The following CHIC1 variants were observed in gnomAD, a reference collection of about 807,000 sequenced individuals.
CHIC1 encodes cysteine-rich hydrophobic domain-containing protein 1.
In CHIC1, 7 loss-of-function variants were observed where a neutral mutation model predicts 18.5. That is an observed-to-expected ratio of 0.38 (90% CI 0.22 to 0.71). The LOEUF is 0.71. Among genes scored for constraint, CHIC1 ranks in the 30% least tolerant of loss-of-function variants. The probability of loss-of-function intolerance (pLI) is 0.49; values close to 1 mark genes in which losing one functional copy is unlikely to be tolerated. For synonymous variants in CHIC1, 77 were observed against 73.5 expected (o/e 1.05, Z -0.25); for missense variants, 159 against 176.9 (o/e 0.90, Z 0.57).
At chrX:73,655,470 ATATACATATATACACAATAT>A (rs2057940156) in intron 3 of CHIC1, among the ~76,000 whole-genome samples, 1 of 72,213 alleles carries the variant, frequency 1.4e-5, no homozygotes, top group African/African-American at 4.6e-5. Flanking sequence ...GTGTATATAT[ATATACATATATACACAATAT>A]TGTGTATATA....
At chrX:73,662,574 T>G (rs888077902) in intron 3 of CHIC1, among the ~76,000 whole-genome samples, 2 of 106,661 alleles carry the variant, frequency 1.9e-5, no homozygotes, top group Non-Finnish European at 3.9e-5. Context: ...AGAAAACAGA[T>G]TTTGTAACTT....
intron 3 of CHIC1, among the ~76,000 whole-genome samples, chrX:73,643,471 T>C (rs1469503495): frequency 1.8e-5 from 2 of 111,843 alleles, no homozygotes; most frequent in Non-Finnish European, 3.8e-5. Flanking sequence ...GTTTTCCAAC[T>C]TGGTTCCATT....
chrX:73,661,686 TG>T (rs1036919838), intron 3 of CHIC1, among the ~76,000 whole-genome samples: 2 of 111,651 alleles, frequency 1.8e-5, no homozygotes, highest in Non-Finnish European at 3.8e-5. Context: ...TCATGAGGGC[TG>T]TTTCAAGGTT....
intron 3 of CHIC1, among the ~76,000 whole-genome samples, chrX:73,612,043 T>C (rs1171408402): frequency 2.7e-5 from 3 of 109,447 alleles, no homozygotes; most frequent in African/African-American, 1.0e-4. Flanking sequence ...CATTTGTCAA[T>C]TTTGTCTTTT....
rs1228293278 is a variant in CHIC1 at position 73,591,956 on chromosome X, TTAAA to T, written c.507+7387_507+7390del. Among the ~76,000 whole-genome samples the T allele has an allele frequency of 1.2e-4, 13 of 111,769 alleles. 1 individual carries two copies. Among genetic ancestry groups the T allele is most frequent in the Non-Finnish European group, 1.5e-4 (8 of 53,027 alleles). On this transcript the variant is annotated intron_variant, in intron 3 of 5. Transcript: ENST00000373502. Reference sequence around the variant, plus strand: ...GTAGTATCAGTCCTCTTTGTTCTCCTTAAATACTGTGTTGACTATTATGGATCTT... The same window carrying T: ...GTAGTATCAGTCCTCTTTGTTCTCCTTACTGTGTTGACTATTATGGATCTT...
chrX:73,610,003 T>C (rs1207640537), intron 3 of CHIC1, among the ~76,000 whole-genome samples: 1 of 108,111 alleles, frequency 9.2e-6, no homozygotes, highest in Non-Finnish European at 1.9e-5. Context: ...ACTGCATGTT[T>C]ATACCTATTA....
At chrX:73,621,018 G>A (rs879218270) in intron 3 of CHIC1, among the ~76,000 whole-genome samples, 1 of 111,579 alleles carries the variant, frequency 9.0e-6, no homozygotes, top group African/African-American at 3.3e-5. Flanking sequence ...TAGATGTGTG[G>A]CATTATTTCT....
intron 1 of CHIC1, among the ~76,000 whole-genome samples, chrX:73,569,716 C>T (rs1223522188): frequency 9.0e-6 from 1 of 110,927 alleles, no homozygotes; most frequent in African/African-American, 3.3e-5. Context: ...GTGAAATGTA[C>T]CTAAAGTTAT....
At chrX:73,610,687 CT>C (rs1363372322) in intron 3 of CHIC1, among the ~76,000 whole-genome samples, 1 of 108,523 alleles carries the variant, frequency 9.2e-6, no homozygotes, top group African/African-American at 3.6e-5. Flanking sequence ...TAGAATTCAC[CT>C]GTGAAGCAAT....
Position 73,619,562 on chromosome X carries a change from A to T in CHIC1, c.507+34990A>T, listed in dbSNP as rs1387090446. ...TCTTTTTGTTATATGTTGTATGTTTAATTTTTGATTTGAGGTTACCATAAG... is the reference window on the plus strand; with the variant it reads ...TCTTTTTGTTATATGTTGTATGTTTTATTTTTGATTTGAGGTTACCATAAG... On this transcript the variant is annotated intron_variant, in intron 3 of 5. Coordinates refer to ENST00000373502, the MANE Select transcript of CHIC1 (RefSeq NM_001039840.4). Among the ~76,000 whole-genome samples the T allele has an allele frequency of 2.7e-5, 3 of 110,707 alleles. No homozygotes were observed. In the East Asian group the frequency reaches 8.4e-4, roughly 31 times the overall value.
At chrX:73,663,547 G>C (rs1039248965) in intron 3 of CHIC1, among the ~76,000 whole-genome samples, 3 of 110,943 alleles carry the variant, frequency 2.7e-5, no homozygotes, top group East Asian at 2.8e-4. Flanking sequence ...CTGCTTGGCT[G>C]TGTGTGCTTC....
intron 3 of CHIC1, among the ~76,000 whole-genome samples, chrX:73,622,991 G>A (rs772100912): frequency 2.7e-5 from 3 of 111,867 alleles, no homozygotes; most frequent in East Asian, 2.8e-4. Context: ...AAGTAGTTAC[G>A]TGGTTTTGAG....
At chrX:73,674,325 T>C (rs1005764001) in intron 3 of CHIC1, among the ~76,000 whole-genome samples, 4 of 112,164 alleles carry the variant, frequency 3.6e-5, no homozygotes, top group African/African-American at 9.7e-5. Context: ...CTCCTCTTTC[T>C]ACCTCTGGTA....
intron 1 of CHIC1, among the ~76,000 whole-genome samples, chrX:73,574,290 G>A (rs1352879058): frequency 1.8e-5 from 2 of 110,842 alleles, no homozygotes; most frequent in Non-Finnish European, 3.8e-5. Flanking sequence ...TTTGATCGTG[G>A]TGAATTAACT....
At position 73,686,497 on chromosome X, in the gene CHIC1, T is replaced by C. The variant is rs1223824369; in HGVS notation, c.*5492T>C. The C allele has an allele frequency of 8.9e-6, 1 of 112,160 alleles. No homozygotes were observed. Among genetic ancestry groups the C allele is most frequent in the South Asian group, 3.6e-4 (1 of 2,764 alleles). The allele number at this position is 112,160 out of a possible 1,213,427, so 9.2% of individuals were successfully genotyped here. ...CAATTTCTGACTCTTAAAGTAGTTC[T>C]GTGTATAAATTCAACATGATGAATC... On this transcript the variant is annotated 3_prime_UTR_variant, in exon 6 of 6. Coordinates refer to ENST00000373502, the MANE Select transcript of CHIC1 (RefSeq NM_001039840.4).
chrX:73,634,880 C>T (rs1447960757), intron 3 of CHIC1, among the ~76,000 whole-genome samples: 1 of 111,062 alleles, frequency 9.0e-6, no homozygotes, highest in Non-Finnish European at 1.9e-5. Flanking sequence ...TCAAGCTGTG[C>T]CATCTTGGTG....
chrX:73,593,344 T>G (rs906064759), intron 3 of CHIC1, among the ~76,000 whole-genome samples: 3 of 111,709 alleles, frequency 2.7e-5, no homozygotes, highest in African/African-American at 9.7e-5. Context: ...CACTGTAAAC[T>G]TTCCTCTTCA....
chrX:73,645,742 A>G (rs192877853), intron 3 of CHIC1, among the ~76,000 whole-genome samples: 11 of 111,230 alleles, frequency 9.9e-5, no homozygotes, highest in African/African-American at 3.3e-4. Context: ...TCCTCCACCT[A>G]TTTTTGGTAA....
At chrX:73,599,724 T>C (rs1335784083) in intron 3 of CHIC1, among the ~76,000 whole-genome samples, 1 of 106,840 alleles carries the variant, frequency 9.4e-6, no homozygotes, top group Non-Finnish European at 1.9e-5. Context: ...CATGCTGTTT[T>C]GGTTACTGTA....
Sources: allele counts gnomAD v4.1 joint callset (sites outside exome capture counted in the v4.1 genomes callset), GRCh38; gene constraint gnomAD v4.1.1; transcripts MANE v1.5; gene names NCBI Gene and HGNC (gene_info 2026-07-23, HGNC 2026-07-21).